PCDH11Y: variants seen among roughly 807,000 people sequenced by gnomAD.
The protein encoded by PCDH11Y is protocadherin 11 Y-linked, also known as protocadherin-11 Y-linked.
For synonymous variants in PCDH11Y, 9 were observed against 83.6 expected, an observed-to-expected ratio of 0.11 and a Z score of 4.87; for missense variants, 12 against 224.8, an observed-to-expected ratio of 0.05 and a Z score of 6.05.
At chrY:5,667,176 C>T in intron 4 of PCDH11Y, among the ~76,000 whole-genome samples, 3 of 28,564 alleles carry the variant, frequency 1.1e-4, no homozygotes, top group Non-Finnish European at 2.5e-4. Flanking sequence ...ACAGAAATTA[C>T]ATTAACATGT....
intron 2 of PCDH11Y, among the ~76,000 whole-genome samples, chrY:5,446,630 G>C: frequency 3.1e-5 from 1 of 32,761 alleles, no homozygotes; most frequent in Non-Finnish European, 7.5e-5. Context: ...TTTTTAATTT[G>C]AGCTCCTATG....
At chrY:5,125,688 A>G in intron 2 of PCDH11Y, among the ~76,000 whole-genome samples, 1 of 33,623 alleles carries the variant, frequency 3.0e-5, no homozygotes, top group Non-Finnish European at 7.3e-5. Context: ...TTCTATTTAC[A>G]TAACATGATT....
intron 2 of PCDH11Y, among the ~76,000 whole-genome samples, chrY:5,160,686 C>T: frequency 6.3e-5 from 2 of 31,558 alleles, no homozygotes. Flanking sequence ...ACTTTTTCTA[C>T]GTCTATAGCT....
intron 2 of PCDH11Y, among the ~76,000 whole-genome samples, chrY:5,176,393 G>C: frequency 7.3e-5 from 2 of 27,525 alleles, no homozygotes; most frequent in South Asian, 1.8e-3. Context: ...GATCCCATTT[G>C]TCAATTTTGG....
At chrY:5,414,087 A>G (rs1602922194) in intron 2 of PCDH11Y, among the ~76,000 whole-genome samples, 98 of 32,220 alleles carry the variant, frequency 3.0e-3, no homozygotes, top group Non-Finnish European at 5.1e-3. Flanking sequence ...TAGCATCTCA[A>G]TTTCTTTCAA....
intron 2 of PCDH11Y, among the ~76,000 whole-genome samples, chrY:5,385,290 C>G: frequency 3.4e-5 from 1 of 29,754 alleles, no homozygotes; most frequent in Non-Finnish European, 8.0e-5. Context: ...TTTTATTTCT[C>G]CCTCCCTTCC....
intron 2 of PCDH11Y, among the ~76,000 whole-genome samples, chrY:5,231,657 C>T: frequency 3.1e-5 from 1 of 32,505 alleles, no homozygotes; most frequent in African/African-American, 1.2e-4. Flanking sequence ...GGCTACTTCC[C>T]ATGTTTGCTC....
chrY:5,657,519 G>A (rs2053537654), intron 4 of PCDH11Y, among the ~76,000 whole-genome samples: 1 of 33,946 alleles, frequency 2.9e-5, no homozygotes, highest in African/African-American at 1.1e-4. Context: ...AGATCATTGG[G>A]TCTTGTGTTT....
At chrY:5,325,138 A>T (rs2124666300) in intron 2 of PCDH11Y, among the ~76,000 whole-genome samples, 1 of 33,115 alleles carries the variant, frequency 3.0e-5, no homozygotes, top group South Asian at 6.8e-4. Flanking sequence ...GGGCATATTC[A>T]CTTCTTTTGT....
intron 4 of PCDH11Y, among the ~76,000 whole-genome samples, chrY:5,700,195 T>C (rs2053576235): frequency 3.0e-5 from 1 of 33,460 alleles, no homozygotes; most frequent in Non-Finnish European, 7.4e-5. Context: ...ATAGAATAAA[T>C]AGAGAAAAAA....
intron 2 of PCDH11Y, among the ~76,000 whole-genome samples, chrY:5,192,908 G>A (rs1602883649): frequency 4.3e-3 from 140 of 32,892 alleles, no homozygotes; most frequent in African/African-American, 0.015. Flanking sequence ...CTTCTGTGCT[G>A]TTTTAATATT....
chrY:5,149,427 G>C, intron 2 of PCDH11Y, among the ~76,000 whole-genome samples: 1 of 30,722 alleles, frequency 3.3e-5, no homozygotes, highest in African/African-American at 1.3e-4. Context: ...GGTATAGAAG[G>C]GAGAGGAATC....
intron 2 of PCDH11Y, among the ~76,000 whole-genome samples, chrY:5,421,853 C>A: frequency 6.8e-5 from 2 of 29,199 alleles, no homozygotes; most frequent in Non-Finnish European, 1.6e-4. Context: ...GCTATCATTC[C>A]TTCTATTTAA....
At chrY:5,264,569 A>G in intron 2 of PCDH11Y, among the ~76,000 whole-genome samples, 1 of 33,745 alleles carries the variant, frequency 3.0e-5, no homozygotes, top group Admixed American at 2.7e-4. Context: ...TCCAGGGCCT[A>G]GAAATAGGGA....
At chrY:5,573,270 T>C in intron 3 of PCDH11Y, 1 of 362,899 alleles carries the variant, frequency 2.8e-6, no homozygotes, top group Non-Finnish European at 3.9e-6. Flanking sequence ...CCGGGGGCTC[T>C]GGTTCCCGGA....
chrY:5,145,280 T>C, intron 2 of PCDH11Y, among the ~76,000 whole-genome samples: 3 of 32,337 alleles, frequency 9.3e-5, no homozygotes, highest in Non-Finnish European at 1.5e-4. Flanking sequence ...ATCTGCTTGC[T>C]GGTTTTGTGT....
At chrY:5,684,916 A>G in intron 4 of PCDH11Y, among the ~76,000 whole-genome samples, 1 of 31,920 alleles carries the variant, frequency 3.1e-5, no homozygotes, top group African/African-American at 1.2e-4. Context: ...CTACTATTTG[A>G]TAGAACAACA....
At chrY:5,244,749 C>T in intron 2 of PCDH11Y, among the ~76,000 whole-genome samples, 3 of 34,102 alleles carry the variant, frequency 8.8e-5, no homozygotes, top group South Asian at 6.4e-4. Context: ...CCCGTGGGAG[C>T]GCAGCCAGCA....
intron 2 of PCDH11Y, among the ~76,000 whole-genome samples, chrY:5,334,763 T>C: frequency 1.2e-4 from 4 of 32,512 alleles, no homozygotes; most frequent in African/African-American, 2.4e-4. Flanking sequence ...TTGGAATACA[T>C]AAATCTTAGG....
Sources: gnomAD v4.1 joint callset for allele counts (sites outside exome capture counted in the v4.1 genomes callset) on GRCh38, gnomAD v4.1.1 for gene constraint, MANE v1.5 for transcripts, NCBI Gene and HGNC (gene_info 2026-07-23, HGNC 2026-07-21) for gene names.